The following ARIH2 variants were observed in gnomAD, a reference collection of about 807,000 sequenced individuals.
ARIH2 encodes the protein E3 ubiquitin-protein ligase ARIH2.
Under a neutral mutation model 79.8 loss-of-function variants are expected in ARIH2, and 12 were observed. That is an observed-to-expected ratio of 0.15 (90% CI 0.10 to 0.24). The LOEUF is 0.24. Among genes scored for constraint, ARIH2 ranks in the 10% least tolerant of loss-of-function variants. The pLI is 1.00. For missense variants in ARIH2, 301 were observed against 618.3 expected (o/e 0.49, Z 5.44); for synonymous variants, 224 against 213.9 (o/e 1.05, Z -0.41).
chr3:48,962,250 T>C (rs2091352638), intron 4 of ARIH2, among the ~76,000 whole-genome samples: 1 of 151,808 alleles, frequency 6.6e-6, no homozygotes, highest in Non-Finnish European at 1.5e-5. Context: ...GGTGGTGCAC[T>C]CCTGTAGTCC....
Position 48,920,496 on chromosome 3 carries a change from T to C in ARIH2, c.-162+1498T>C, listed in dbSNP as rs1035415009. Among the ~76,000 whole-genome samples, 15 of 63,108 alleles carry C rather than the reference T, an allele frequency of 2.4e-4. 5 individuals are homozygous for C. The highest frequency in any genetic ancestry group is 4.0e-4 in the Non-Finnish European group (13 of 32,528). 41.4% of individuals were successfully genotyped at this position (63,108 alleles called of 152,430 possible). The stretch of plus-strand genomic sequence containing the variant: ...TGAGAAGCCTGTGAGCAATTTCTTT[T>C]TTTTTTTTTTTTTTTGACACGGAGT... On this transcript the variant is annotated intron_variant, in intron 1 of 15. Transcript: ENST00000356401.
At chr3:48,935,031 C>T (rs1017819220) in intron 3 of ARIH2, 2 of 803,050 alleles carry the variant, frequency 2.5e-6, no homozygotes, top group African/African-American at 1.9e-5. Context: ...GATGTTACTA[C>T]AGTATTTAAG....
Position 48,939,791 on chromosome 3 carries a change from CA to C in ARIH2, c.255+11989del, listed in dbSNP as rs1172938316. On this transcript the variant is annotated intron_variant, in intron 3 of 15. Transcript: ENST00000356401. ...AAAAAAAAAAACAAAAACAAAAAAACAAAAAAAAAAACTGAAGTAATAATCA... is the reference window on the plus strand; with the variant it reads ...AAAAAAAAAAACAAAAACAAAAAAACAAAAAAAAAACTGAAGTAATAATCA... Among the ~76,000 whole-genome samples the C allele has an allele frequency of 3.5e-3, 441 of 127,420 alleles. 4 individuals are homozygous for C. Among genetic ancestry groups the C allele is most frequent in the African/African-American group, 0.011 (382 of 35,012 alleles). The allele number at this position is 127,420 out of a possible 152,430, so 83.6% of individuals were successfully genotyped here. A position where few individuals can be genotyped will look rare whatever the true frequency, so the allele number is the denominator to read the frequency against.
At chr3:48,971,109 A>G (rs1437970311) in intron 8 of ARIH2, among the ~76,000 whole-genome samples, 2 of 152,202 alleles carry the variant, frequency 1.3e-5, no homozygotes, top group Non-Finnish European at 1.5e-5. Flanking sequence ...TATATTCTAC[A>G]TCTACTCAAG....
At chr3:48,979,985 T>A (rs2092693569) in intron 12 of ARIH2, 1 of 243,982 alleles carries the variant, frequency 4.1e-6, no homozygotes, top group East Asian at 7.8e-5. Context: ...CACAATCTGT[T>A]CCCATAGTAT....
rs374494365 is a variant in ARIH2, at chr3:48,923,812, C to T, written c.-98+1001C>T. Among the ~76,000 whole-genome samples the T allele has an allele frequency of 5.3e-5, 8 of 152,158 alleles. No homozygotes were observed. In the East Asian group the frequency reaches 5.8e-4, roughly 11 times the overall value. ...CTGGGATTACAGGTGTGAGCCACCGCGCCTCGCCAATATTTTTATTATATA... is the reference window on the plus strand; with the variant it reads ...CTGGGATTACAGGTGTGAGCCACCGTGCCTCGCCAATATTTTTATTATATA... On this transcript the variant is annotated intron_variant, in intron 2 of 15. Coordinates refer to ENST00000356401, the MANE Select transcript of ARIH2 (RefSeq NM_006321.4).
chr3:48,966,241 T>C (rs1232090576), intron 5 of ARIH2, among the ~76,000 whole-genome samples: 1 of 152,224 alleles, frequency 6.6e-6, no homozygotes, highest in East Asian at 1.9e-4. Flanking sequence ...ACATAATTTC[T>C]GCAGCCTCTT....
At chr3:48,935,046 T>C (rs1216735926) in intron 3 of ARIH2, 1 of 692,266 alleles carries the variant, frequency 1.4e-6, no homozygotes, top group African/African-American at 2.0e-5. Flanking sequence ...TTTAAGAAAA[T>C]AATATCATTC....
At chr3:48,950,428 A>G (rs1301964458) in intron 3 of ARIH2, among the ~76,000 whole-genome samples, 1 of 152,294 alleles carries the variant, frequency 6.6e-6, no homozygotes, top group East Asian at 1.9e-4. Flanking sequence ...TGATTACCGT[A>G]TGTAGCTTTA....
At position 48,931,258 on chromosome 3, in the gene ARIH2, T is replaced by G. The variant is rs566528407; in HGVS notation, c.255+3445T>G. Among the ~76,000 whole-genome samples, 105 of 152,184 alleles carry G rather than the reference T, an allele frequency of 6.9e-4. 1 individual carries two copies. The highest frequency in any genetic ancestry group is 1.1e-3 in the Non-Finnish European group (78 of 67,996). Reference sequence around the variant, plus strand: ...GCGTGCAACTAATTAAACAAAAATTTATTTTGGCCAGGCGCAGTGGCTCAC... The same window carrying G: ...GCGTGCAACTAATTAAACAAAAATTGATTTTGGCCAGGCGCAGTGGCTCAC... On this transcript the variant is annotated intron_variant, in intron 3 of 15. Transcript: ENST00000356401.
At chr3:48,973,575 CAAAA>C (rs537764456) in intron 8 of ARIH2, 120 bp from the exon 9 acceptor site, 1,433 of 431,776 alleles carry the variant, frequency 3.3e-3, no homozygotes, top group Middle Eastern at 4.9e-3. Flanking sequence ...GACTCTGTCT[CAAAA>C]AAAAAAAAAA....
chr3:48,969,633 G>A (rs1187263900), intron 7 of ARIH2, among the ~76,000 whole-genome samples: 3 of 151,632 alleles, frequency 2.0e-5, no homozygotes, highest in South Asian at 2.1e-4. Flanking sequence ...GACTACTGGC[G>A]CGCACCACCA....
At chr3:48,968,901 G>A (rs760282898) in intron 7 of ARIH2, among the ~76,000 whole-genome samples, 4 of 151,922 alleles carry the variant, frequency 2.6e-5, no homozygotes, top group Non-Finnish European at 5.9e-5. Context: ...TTTTTTTTGC[G>A]TGTGTGACTG....
intron 14 of ARIH2, chr3:48,982,682 G>C: frequency 1.9e-6 from 1 of 540,478 alleles, no homozygotes; most frequent in East Asian, 3.1e-5. Flanking sequence ...TGGACCTTTT[G>C]AGGGTCGAGG....
chr3:48,939,031 G>T (rs1482145022), intron 3 of ARIH2, among the ~76,000 whole-genome samples: 1 of 151,486 alleles, frequency 6.6e-6, no homozygotes, highest in Non-Finnish European at 1.5e-5. Flanking sequence ...GCAGTGGCGT[G>T]ATCTCAGCTC....
intron 11 of ARIH2, among the ~76,000 whole-genome samples, chr3:48,977,410 A>G (rs1050057929): frequency 1.3e-5 from 2 of 151,516 alleles, no homozygotes; most frequent in African/African-American, 4.8e-5. Flanking sequence ...GGTTCAAGCA[A>G]TTATCCTTGC....
At chr3:48,959,660 A>G (rs1205540529) in intron 3 of ARIH2, among the ~76,000 whole-genome samples, 3 of 128,674 alleles carry the variant, frequency 2.3e-5, no homozygotes, top group Non-Finnish European at 5.5e-5. Context: ...AAAAAAAAAA[A>G]AAAAAAAAAA....
intron 8 of ARIH2, among the ~76,000 whole-genome samples, chr3:48,973,085 A>G (rs1197322197): frequency 3.3e-5 from 5 of 152,260 alleles, no homozygotes; most frequent in Admixed American, 3.3e-4. Context: ...ACATTCATGC[A>G]GTATTTCAGT....
At chr3:48,964,463 G>A (rs910576856) in intron 4 of ARIH2, among the ~76,000 whole-genome samples, 1 of 151,372 alleles carries the variant, frequency 6.6e-6, no homozygotes, top group Non-Finnish European at 1.5e-5. Flanking sequence ...CTATAGGCAC[G>A]TGCCACCATG....
Sources: gnomAD v4.1 joint callset for allele counts (sites outside exome capture counted in the v4.1 genomes callset) on GRCh38, gnomAD v4.1.1 for gene constraint, MANE v1.5 for transcripts, NCBI Gene and HGNC (gene_info 2026-07-23, HGNC 2026-07-21) for gene names.